Variants in TAFA2 observed in about 807,000 individuals in gnomAD.
TAFA2 encodes the protein TAFA chemokine like family member 2.
TAFA2 carries 7 observed loss-of-function variants against 18.8 expected under a neutral mutation model. That is an observed-to-expected ratio of 0.37 (90% CI 0.21 to 0.70). The LOEUF (loss-of-function observed/expected upper bound fraction) is 0.70. Among genes scored for constraint, TAFA2 ranks in the 30% least tolerant of loss-of-function variants. The pLI is 0.53. For synonymous variants in TAFA2, 60 were observed against 54.2 expected (o/e 1.11, Z -0.47); for missense variants, 122 against 158.1 (o/e 0.77, Z 1.23).
At chr12:62,246,224 G>T (rs1423760618) in intron 1 of TAFA2, among the ~76,000 whole-genome samples, 2 of 152,164 alleles carry the variant, frequency 1.3e-5, no homozygotes, top group Non-Finnish European at 2.9e-5. Flanking sequence ...CTGACCTCGT[G>T]ATCTGCCCGC....
chr12:62,056,874 G>A (rs531500987), intron 1 of TAFA2, among the ~76,000 whole-genome samples: 73 of 152,178 alleles, frequency 4.8e-4, no homozygotes, highest in Non-Finnish European at 9.6e-4. Context: ...GCCCGAAGGC[G>A]CTTCTAATCT....
chr12:62,114,406 G>A (rs1215799748), intron 1 of TAFA2, among the ~76,000 whole-genome samples: 1 of 152,146 alleles, frequency 6.6e-6, no homozygotes, highest in Non-Finnish European at 1.5e-5. Flanking sequence ...TGATCTCACT[G>A]GGAGCTGCAA....
intron 1 of TAFA2, among the ~76,000 whole-genome samples, chr12:62,181,996 C>A (rs1043177244): frequency 4.7e-5 from 7 of 148,788 alleles, no homozygotes; most frequent in South Asian, 2.1e-4. Context: ...TCCATCCCCC[C>A]CCCGCTACAC....
At chr12:62,125,701 G>A (rs1276673100) in intron 1 of TAFA2, among the ~76,000 whole-genome samples, 4 of 152,022 alleles carry the variant, frequency 2.6e-5, no homozygotes, top group African/African-American at 7.2e-5. Flanking sequence ...CCTGTGAGGA[G>A]TCGCACAACT....
At chr12:62,143,037 C>T (rs550423975) in intron 1 of TAFA2, among the ~76,000 whole-genome samples, 21 of 152,324 alleles carry the variant, frequency 1.4e-4, no homozygotes, top group African/African-American at 3.4e-4. Flanking sequence ...CAGGATTCTA[C>T]GGATATCACT....
chr12:62,003,306 A>AC (rs1880441055), intron 1 of TAFA2, among the ~76,000 whole-genome samples: 1 of 151,764 alleles, frequency 6.6e-6, no homozygotes, highest in African/African-American at 2.4e-5. Flanking sequence ...CATGAACCGC[A>AC]CCCCCTTATG....
At chr12:61,892,203 T>A (rs1875665801) in intron 1 of TAFA2, among the ~76,000 whole-genome samples, 1 of 151,900 alleles carries the variant, frequency 6.6e-6, no homozygotes, top group African/African-American at 2.4e-5. Context: ...ATCAAGGACA[T>A]AGTCAAGATA....
At chr12:62,025,934 A>C (rs907567536) in intron 1 of TAFA2, among the ~76,000 whole-genome samples, 11 of 152,142 alleles carry the variant, frequency 7.2e-5, no homozygotes, top group African/African-American at 2.7e-4. Context: ...GAAGTAGTCA[A>C]GACGAAATTA....
chr12:62,000,714 C>A (rs11174271), intron 1 of TAFA2, among the ~76,000 whole-genome samples: 66,899 of 127,890 alleles, frequency 0.52, 19,472 homozygotes, highest in Non-Finnish European at 0.55. Context: ...ATAATAAATA[C>A]ATTGTGGTAT....
chr12:61,785,335 G>A (rs1870687031), intron 2 of TAFA2, among the ~76,000 whole-genome samples: 1 of 150,332 alleles, frequency 6.7e-6, no homozygotes, highest in South Asian at 2.1e-4. Context: ...GTGTGTGTGT[G>A]TGTGTGTGTG....
intron 1 of TAFA2, among the ~76,000 whole-genome samples, chr12:62,251,360 C>G (rs2062912996): frequency 6.6e-6 from 1 of 151,958 alleles, no homozygotes; most frequent in South Asian, 2.1e-4. Flanking sequence ...GTGGTGAGCT[C>G]AAAATGAACT....
chr12:61,892,545 A>C (rs1361093113), intron 1 of TAFA2, among the ~76,000 whole-genome samples: 2 of 152,248 alleles, frequency 1.3e-5, no homozygotes, highest in Non-Finnish European at 2.9e-5. Context: ...CCTATACTAA[A>C]GTATGTCCTG....
At chr12:62,211,345 C>T (rs2062712420) in intron 1 of TAFA2, among the ~76,000 whole-genome samples, 1 of 152,026 alleles carries the variant, frequency 6.6e-6, no homozygotes, top group Non-Finnish European at 1.5e-5. Context: ...TTTGGCAGGC[C>T]AAGGCAGGTG....
intron 1 of TAFA2, among the ~76,000 whole-genome samples, chr12:61,925,971 A>T (rs956107740): frequency 6.6e-6 from 1 of 152,198 alleles, no homozygotes; most frequent in Non-Finnish European, 1.5e-5. Flanking sequence ...AATAAAGAAG[A>T]AAAAAGAGAA....
intron 2 of TAFA2, among the ~76,000 whole-genome samples, chr12:61,818,487 A>AT (rs1482082036): frequency 5.9e-5 from 8 of 136,656 alleles, no homozygotes; most frequent in Admixed American, 2.2e-4. Flanking sequence ...TGTCTCAAAA[A>AT]AATACACACA....
chr12:61,911,988 A>G (rs1876630549), intron 1 of TAFA2, among the ~76,000 whole-genome samples: 1 of 152,178 alleles, frequency 6.6e-6, no homozygotes, highest in Admixed American at 6.5e-5. Context: ...AGAACTTAAA[A>G]TTTTTACCAA....
At chr12:61,721,613 C>T (rs1869900990) in intron 4 of TAFA2, among the ~76,000 whole-genome samples, 1 of 152,034 alleles carries the variant, frequency 6.6e-6, no homozygotes, top group Non-Finnish European at 1.5e-5. Flanking sequence ...AGATTCATGA[C>T]ATATTTCAGT....
intron 2 of TAFA2, among the ~76,000 whole-genome samples, chr12:61,847,203 C>T (rs1373481694): frequency 6.6e-6 from 1 of 152,224 alleles, no homozygotes; most frequent in African/African-American, 2.4e-5. Flanking sequence ...CACATGCACA[C>T]ATTTTGTCCC....
At chr12:62,252,421 G>A (rs974209026) in intron 1 of TAFA2, 2 of 152,204 alleles carry the variant, frequency 1.3e-5, no homozygotes, top group Non-Finnish European at 1.5e-5. Flanking sequence ...GCCTCTTGCT[G>A]TGTCTCCTGG....
Sources: allele counts gnomAD v4.1 joint callset (sites outside exome capture counted in the v4.1 genomes callset), GRCh38; gene constraint gnomAD v4.1.1; transcripts MANE v1.5; gene names NCBI Gene and HGNC (gene_info 2026-07-23, HGNC 2026-07-21).